Variants in SLMAP observed in about 807,000 individuals in gnomAD.
SLMAP encodes the protein sarcolemma associated protein.
SLMAP carries 44 observed loss-of-function variants against 128.8 expected under a neutral mutation model. The ratio of observed to expected loss-of-function variants is 0.34; its 90% CI spans 0.27 to 0.44. The LOEUF (loss-of-function observed/expected upper bound fraction) is 0.44, where lower values mean the gene tolerates loss of function less well. Ranked by LOEUF, SLMAP falls within the 20% of genes least tolerant of loss-of-function variation. SLMAP has a pLI of 1.00. For missense variants in SLMAP, 787 were observed against 985.3 expected (o/e 0.80, Z 2.69); for synonymous variants, 327 against 348.8 (o/e 0.94, Z 0.70).
intron 4 of SLMAP, among the ~76,000 whole-genome samples, chr3:57,843,704 T>TTTTC (rs144551713): frequency 6.8e-5 from 10 of 147,108 alleles, no homozygotes; most frequent in Non-Finnish European, 1.0e-4. Context: ...CCTTCCTTCC[T>TTTTC]TTTCTTTCTT....
intron 2 of SLMAP, among the ~76,000 whole-genome samples, chr3:57,782,768 C>T: frequency 6.6e-6 from 1 of 152,164 alleles, no homozygotes; most frequent in East Asian, 1.9e-4. Context: ...CCACTATGCC[C>T]AGCCATGAAT....
chr3:57,863,707 T>G (rs1228508064), intron 10 of SLMAP, among the ~76,000 whole-genome samples: 1 of 152,142 alleles, frequency 6.6e-6, no homozygotes, highest in African/African-American at 2.4e-5. Flanking sequence ...AAGCCATTCA[T>G]GAGGGATCTG....
At chr3:57,903,355 C>A (rs1163912558) in intron 17 of SLMAP, among the ~76,000 whole-genome samples, 1 of 152,172 alleles carries the variant, frequency 6.6e-6, no homozygotes, top group Non-Finnish European at 1.5e-5. Context: ...AGAGTGATGG[C>A]AATGGAAAGA....
chr3:57,840,260 A>AGCCCG (rs1344921243), intron 3 of SLMAP, among the ~76,000 whole-genome samples: 1 of 152,260 alleles, frequency 6.6e-6, no homozygotes, highest in Non-Finnish European at 1.5e-5. Flanking sequence ...GGCCAACATT[A>AGCCCG]GCTCTATTCT....
chr3:57,782,573 A>G (rs555918495), intron 2 of SLMAP, among the ~76,000 whole-genome samples: 3 of 152,258 alleles, frequency 2.0e-5, no homozygotes, highest in South Asian at 2.1e-4. Flanking sequence ...CCTGGGCTCA[A>G]GCGATCCTCA....
At position 57,913,859 on chromosome 3, in the gene SLMAP, G is replaced by A. The variant is rs117251428; in HGVS notation, c.2138+584G>A. ...TGTAGTCTTGGCTACTTGGAAGGCT[G>A]AGGTGGGAGAATTGCTTGGGCCCAG... On this transcript the variant is annotated intron_variant, in intron 21 of 24. Coordinates refer to ENST00000671191, the MANE Select transcript of SLMAP (RefSeq NM_001377540.1). Among the ~76,000 whole-genome samples, 436 of 152,196 alleles carry A rather than the reference G, an allele frequency of 2.9e-3. 3 individuals carry two copies. The East Asian group carries it at 0.049, about 17-fold the overall frequency.
chr3:57,906,964 AT>A (rs1321325158), intron 17 of SLMAP, among the ~76,000 whole-genome samples: 3 of 151,628 alleles, frequency 2.0e-5, no homozygotes, highest in East Asian at 3.9e-4. Flanking sequence ...GATTTAATTT[AT>A]TTCGGTAAAA....
Position 57,864,936 on chromosome 3 carries a change from A to AT in SLMAP, c.1186+85dup, listed in dbSNP as rs1420197618. On this transcript the variant is annotated intron_variant, in intron 12 of 24. Coordinates refer to ENST00000671191, the MANE Select transcript of SLMAP (RefSeq NM_001377540.1). ...GACCTTGTTTACTGTCTCACACTGC[A>AT]TTTTTTAAGGGATGTTTTATGTATT... is the stretch of plus-strand genomic sequence containing the variant. The AT allele has an allele frequency of 1.1e-5, 12 of 1,095,052 alleles. No individual in the cohort carries two copies. In the African/African-American group the frequency reaches 1.9e-4, roughly 18 times the overall value. The allele number at this position is 1,095,052 out of a possible 1,614,324, so 67.8% of individuals were successfully genotyped here.
chr3:57,785,482 C>T (rs186863935), intron 2 of SLMAP, among the ~76,000 whole-genome samples: 13 of 152,154 alleles, frequency 8.5e-5, no homozygotes, highest in East Asian at 5.8e-4. Flanking sequence ...GTTTGTGCCC[C>T]GGGGCTAAAT....
At chr3:57,857,911 AC>A (rs1205153709) in intron 7 of SLMAP, 83 bp downstream of exon 7, 2 of 1,029,646 alleles carry the variant, frequency 1.9e-6, no homozygotes, top group Admixed American at 2.2e-5. Flanking sequence ...AATGTAGCAA[AC>A]AAAGACAAAG....
intron 19 of SLMAP, 139 bp downstream of exon 19, chr3:57,909,289 G>A: frequency 4.9e-6 from 3 of 609,298 alleles, no homozygotes; most frequent in Middle Eastern, 4.6e-4. Context: ...ATCTCCTGAG[G>A]TCAGGAATTC....
Position 57,913,273 on chromosome 3 carries a change from C to G in SLMAP, c.2136C>G (p.His712Gln). 1 of 1,349,336 alleles carries G rather than the reference C, an allele frequency of 7.4e-7. No individual in the cohort carries two copies. The highest frequency in any genetic ancestry group is 1.3e-5 in the South Asian group (1 of 79,004). The allele number at this position is 1,349,336 out of a possible 1,614,324, so 83.6% of individuals were successfully genotyped here. A position where few individuals can be genotyped will look rare whatever the true frequency, so the allele number is the denominator to read the frequency against. Residue 712 changes from histidine (H) to glutamine (Q), a missense_variant and splice_region_variant, in exon 21 of 25, where the codon CAC becomes CAG. His to Gln is a conservative substitution (Grantham distance 24). This residue lies in a region of SLMAP where 715 missense variants were observed against 843.6 expected (regional missense o/e 0.85). Transcript: ENST00000671191. ...SELQRQEKEL[H>Q]NSQKQSLELT... ...TGCAACGGCAAGAAAAAGAATTGCA[C>G]AAGTATGCAAGAACTCTCTGTTTTT... is the stretch of plus-strand genomic sequence containing the variant.
chr3:57,788,058 C>T (rs2084627190), intron 2 of SLMAP, among the ~76,000 whole-genome samples: 1 of 152,178 alleles, frequency 6.6e-6, no homozygotes, highest in Admixed American at 6.5e-5. Flanking sequence ...AAGAGCAAGA[C>T]TTTGTCATGC....
At chr3:57,891,931 A>G (rs1387732476) in intron 15 of SLMAP, among the ~76,000 whole-genome samples, 1 of 152,158 alleles carries the variant, frequency 6.6e-6, no homozygotes, top group Non-Finnish European at 1.5e-5. Context: ...TATTTATTTC[A>G]GTGTTGTTTA....
intron 23 of SLMAP, among the ~76,000 whole-genome samples, chr3:57,923,391 A>C (rs1294688407): frequency 6.6e-6 from 1 of 152,192 alleles, no homozygotes; most frequent in Non-Finnish European, 1.5e-5. Context: ...GATCCATTTA[A>C]GAGAGAGTAG....
chr3:57,911,923 TAAAAAA>T (rs57106769), intron 19 of SLMAP, among the ~76,000 whole-genome samples: 1 of 52,370 alleles, frequency 1.9e-5, no homozygotes, highest in East Asian at 7.5e-4. Context: ...GGATTCACCC[TAAAAAA>T]AAAAAAAAAA....
rs975369069 is a variant in SLMAP, at chr3:57,864,469, G to A, written c.967-79G>A. The A allele has an allele frequency of 1.3e-5, 11 of 869,732 alleles. No individual in the cohort carries two copies. The African/African-American group carries it at 1.6e-4, about 13-fold the overall frequency. 53.9% of individuals were successfully genotyped at this position (869,732 alleles called of 1,614,324 possible). The stretch of plus-strand genomic sequence containing the variant: ...GAACAAACTTTTCTTAGAAGTTTAA[G>A]TGAATAAAGGCATTCCTGGGGCTCG... On this transcript the variant is annotated intron_variant, in intron 10 of 24. Coordinates refer to ENST00000671191, the MANE Select transcript of SLMAP (RefSeq NM_001377540.1).
Position 57,929,455 on chromosome 3 carries a change from TG to T in SLMAP, c.*2168del, listed in dbSNP as rs1321357333. On this transcript the variant is annotated 3_prime_UTR_variant, in exon 25 of 25. Coordinates refer to ENST00000671191, the MANE Select transcript of SLMAP (RefSeq NM_001377540.1). Reference sequence around the variant, plus strand: ...AGTATCAATATTTACTTCATTCAAGTGGAATAAATGGCTTTTTGTAGTTACT... The same window carrying T: ...AGTATCAATATTTACTTCATTCAAGTGAATAAATGGCTTTTTGTAGTTACT... 7.2e-5 allele frequency among the ~76,000 whole-genome samples: 11 copies of T among 152,324 alleles called. No homozygotes were observed. The East Asian group carries it at 2.1e-3, about 29-fold the overall frequency.
intron 17 of SLMAP, chr3:57,898,117 C>T (rs934521581): frequency 2.6e-5 from 4 of 152,022 alleles, no homozygotes; most frequent in Admixed American, 2.0e-4. Flanking sequence ...GTCCAGACCC[C>T]GAGCTTTGGG....
Sources: gnomAD v4.1 joint callset for allele counts (sites outside exome capture counted in the v4.1 genomes callset) on GRCh38, gnomAD v4.1.1 for gene constraint, gnomAD v4.1.1 regional missense constraint, MANE v1.5 for transcripts, NCBI Gene and HGNC (gene_info 2026-07-23, HGNC 2026-07-21) for gene names.